MORC1: variants seen among roughly 807,000 people sequenced by gnomAD.
The protein encoded by MORC1 is MORC family CW-type zinc finger protein 1.
A neutral mutation model predicts 134.9 loss-of-function variants in MORC1; 59 were observed. The observed-to-expected ratio is 0.44, with a 90% CI of 0.35 to 0.54. The LOEUF (loss-of-function observed/expected upper bound fraction) is 0.54, where lower values mean the gene tolerates loss of function less well. Ranked by LOEUF, MORC1 falls within the 20% of genes least tolerant of loss-of-function variation. The pLI is 0.00. For synonymous variants in MORC1, 395 were observed against 391.7 expected (o/e 1.01, Z -0.10); for missense variants, 947 against 1,134.5 (o/e 0.83, Z 2.37).
At position 109,087,169 on chromosome 3, in the gene MORC1, A is replaced by G. The variant is rs966019957; in HGVS notation, c.689+6267T>C. Among the ~76,000 whole-genome samples, 2 of 49,934 alleles carry G rather than the reference A, an allele frequency of 4.0e-5. 1 individual carries two copies. Among genetic ancestry groups the G allele is most frequent in the African/African-American group, 1.2e-4 (2 of 16,618 alleles). 32.8% of individuals were successfully genotyped at this position (49,934 alleles called of 152,430 possible). A position where few individuals can be genotyped will look rare whatever the true frequency, so the allele number is the denominator to read the frequency against. On this transcript the variant is annotated intron_variant, in intron 8 of 27. Transcript: ENST00000232603. ...TTAATGCCTCTTGAACAGGTGCTGA[A>G]CCACCTGGCAAACAAGGGAGAGTGA...
rs531657736 is a variant in MORC1 at position 108,961,868 on chromosome 3, G to A, written c.2799+1546C>T. ...CTAACGTGGATTTGCTATTATGAAA[G>A]CCAATTATTTTATAAACTTGTTTAA... On this transcript the variant is annotated intron_variant, in intron 27 of 27. Coordinates refer to ENST00000232603, the MANE Select transcript of MORC1 (RefSeq NM_014429.4). 1.1e-4 allele frequency among the ~76,000 whole-genome samples: 16 copies of A among 152,272 alleles called. 1 individual carries two copies. The highest frequency in any genetic ancestry group is 3.6e-4 in the African/African-American group (15 of 41,552).
intron 21 of MORC1, among the ~76,000 whole-genome samples, chr3:108,996,271 T>TGCGCGC (rs1553745270): frequency 1.1e-5 from 1 of 87,564 alleles, no homozygotes; most frequent in Non-Finnish European, 2.6e-5. Flanking sequence ...CATGTGCGCG[T>TGCGCGC]GCGTGCGCGC....
intron 17 of MORC1, among the ~76,000 whole-genome samples, chr3:109,021,860 T>A (rs1236920218): frequency 6.6e-6 from 1 of 152,214 alleles, no homozygotes; most frequent in African/African-American, 2.4e-5. Context: ...GTGCCCAGCA[T>A]TGCACCAGGT....
At chr3:109,099,545 G>A (rs1950888061) in intron 5 of MORC1, 79 bp from the exon 6 acceptor site, 1 of 1,020,202 alleles carries the variant, frequency 9.8e-7, no homozygotes, top group Non-Finnish European at 1.4e-6. Context: ...TTATCACCGT[G>A]TACTGTAACA....
chr3:108,967,383 A>C (rs1053362420), intron 26 of MORC1, among the ~76,000 whole-genome samples: 1 of 152,174 alleles, frequency 6.6e-6, no homozygotes, highest in African/African-American at 2.4e-5. Flanking sequence ...GAGTCCCCTA[A>C]CCAGTAAGTG....
intron 22 of MORC1, among the ~76,000 whole-genome samples, chr3:108,986,620 T>A (rs1404839257): frequency 6.6e-6 from 1 of 152,056 alleles, no homozygotes; most frequent in Non-Finnish European, 1.5e-5. Flanking sequence ...GTGGCATAAG[T>A]CTATGGAAAT....
At chr3:109,037,963 T>C (rs112676007) in intron 14 of MORC1, among the ~76,000 whole-genome samples, 1,906 of 152,338 alleles carry the variant, frequency 0.013, 37 homozygotes, top group African/African-American at 0.042. Context: ...TACCCAGTAA[T>C]GGGATTGCTG....
At chr3:109,074,683 T>C (rs192358453) in intron 8 of MORC1, among the ~76,000 whole-genome samples, 10 of 152,330 alleles carry the variant, frequency 6.6e-5, no homozygotes, top group East Asian at 1.9e-4. Context: ...TATCTAGACA[T>C]TGACATTCAA....
intron 24 of MORC1, among the ~76,000 whole-genome samples, chr3:108,974,829 A>G (rs1325709951): frequency 1.3e-5 from 2 of 152,250 alleles, no homozygotes; most frequent in African/African-American, 4.8e-5. Flanking sequence ...TGTTACTTTC[A>G]TTCAGAATCT....
chr3:109,083,092 AT>A lies in MORC1; in HGVS notation c.689+10343del, dbSNP rs375769285. Among the ~76,000 whole-genome samples, 781 of 152,270 alleles carry A rather than the reference AT, an allele frequency of 5.1e-3. 18 individuals carry two copies. The highest frequency in any genetic ancestry group is 0.018 in the African/African-American group (749 of 41,564). On this transcript the variant is annotated intron_variant, in intron 8 of 27. Coordinates refer to ENST00000232603, the MANE Select transcript of MORC1 (RefSeq NM_014429.4). ...AATTCGTCTAGCAATATACTTTTCA[AT>A]GGAAATCATACAGGACAGTAGACAG...
intron 23 of MORC1, 49 bp downstream of exon 23, chr3:108,984,667 G>A (rs1485877062): frequency 1.6e-6 from 2 of 1,289,716 alleles, no homozygotes; most frequent in Non-Finnish European, 1.1e-6. Context: ...TTACTTTTCA[G>A]CAGGATAATT....
Position 109,103,869 on chromosome 3 carries a change from TCATCCA to T in MORC1, c.197_202del (p.Leu66_Asp68delinsHis). ...CTTACCAGGGCTCATGCCACATCCA[TCATCCA>T]GGAAACACAACATGAATCCCCCCTG... On this transcript the variant is annotated inframe_deletion, in exon 4 of 28. Transcript: ENST00000232603. 5.0e-6 allele frequency: 8 copies of T among 1,613,986 alleles called. No individual in the cohort carries two copies. The highest frequency in any genetic ancestry group is 6.8e-6 in the Non-Finnish European group (8 of 1,179,874).
chr3:109,043,348 C>T (rs1019282557), intron 14 of MORC1, among the ~76,000 whole-genome samples: 1 of 151,998 alleles, frequency 6.6e-6, no homozygotes, highest in Non-Finnish European at 1.5e-5. Flanking sequence ...ACATGAGGTA[C>T]TTAGAGTAGT....
intron 17 of MORC1, among the ~76,000 whole-genome samples, chr3:109,025,539 A>T (rs1304121894): frequency 6.7e-6 from 1 of 150,012 alleles, no homozygotes; most frequent in Non-Finnish European, 1.5e-5. Flanking sequence ...GAGCCACCAC[A>T]CCCAGCTAAT....
chr3:109,044,541 G>C (rs369364443), intron 14 of MORC1, among the ~76,000 whole-genome samples: 1 of 142,176 alleles, frequency 7.0e-6, no homozygotes, highest in East Asian at 2.2e-4. Flanking sequence ...CTGGGCAACA[G>C]AGCGAGACTC....
intron 26 of MORC1, among the ~76,000 whole-genome samples, chr3:108,968,964 T>TTTA (rs1054363433): frequency 3.3e-5 from 5 of 151,898 alleles, no homozygotes; most frequent in African/African-American, 1.2e-4. Context: ...GGTTTTTTTT[T>TTTA]TTATTATTAA....
intron 17 of MORC1, among the ~76,000 whole-genome samples, chr3:109,007,716 C>T (rs1948578110): frequency 6.6e-6 from 1 of 152,180 alleles, no homozygotes; most frequent in Non-Finnish European, 1.5e-5. Flanking sequence ...GAACTAATTG[C>T]TTTATCTTCT....
chr3:109,089,711 T>C lies in MORC1; in HGVS notation c.689+3725A>G, dbSNP rs148226481. 1.9e-3 allele frequency among the ~76,000 whole-genome samples: 288 copies of C among 152,206 alleles called. 6 individuals carry two copies. Among genetic ancestry groups the C allele is most frequent in the African/African-American group, 6.2e-3 (256 of 41,514 alleles). Reference sequence around the variant, plus strand: ...AGAGTTCCAAAAAATTACCACAACATAAATTAGTAAACACACCTAGCCCAG... The same window carrying C: ...AGAGTTCCAAAAAATTACCACAACACAAATTAGTAAACACACCTAGCCCAG... On this transcript the variant is annotated intron_variant, in intron 8 of 27. Coordinates refer to ENST00000232603, the MANE Select transcript of MORC1 (RefSeq NM_014429.4).
intron 20 of MORC1, among the ~76,000 whole-genome samples, chr3:109,001,156 G>A (rs1948393506): frequency 6.6e-6 from 1 of 151,562 alleles, no homozygotes; most frequent in Non-Finnish European, 1.5e-5. Flanking sequence ...TTTTTGAGAT[G>A]GAGTTTCGCT....
Sources: gnomAD v4.1 joint callset for allele counts (sites outside exome capture counted in the v4.1 genomes callset) on GRCh38, gnomAD v4.1.1 for gene constraint, MANE v1.5 for transcripts, NCBI Gene and HGNC (gene_info 2026-07-23, HGNC 2026-07-21) for gene names.